SDK1: variants seen among roughly 807,000 people sequenced by gnomAD.
The protein encoded by SDK1 is sidekick cell adhesion molecule 1, also known as protein sidekick-1.
Under a neutral mutation model 245.5 loss-of-function variants are expected in SDK1, and 157 were observed. The ratio of observed to expected loss-of-function variants is 0.64; its 90% CI spans 0.56 to 0.73. The LOEUF is 0.73. Ranked by LOEUF, SDK1 falls within the 30% of genes least tolerant of loss-of-function variation. The pLI is 0.00. For synonymous variants in SDK1, 1,647 were observed against 1,278.5 expected (o/e 1.29, Z -6.15); for missense variants, 3,583 against 3,002.3 (o/e 1.19, Z -4.52).
At chr7:3,327,399 T>G (rs558981375) in intron 1 of SDK1, among the ~76,000 whole-genome samples, 8 of 152,270 alleles carry the variant, frequency 5.3e-5, no homozygotes, top group African/African-American at 1.9e-4. Context: ...TAGCTTTTAT[T>G]GATTTTATTT....
At chr7:3,656,296 T>C (rs1241238972) in intron 4 of SDK1, among the ~76,000 whole-genome samples, 3 of 152,194 alleles carry the variant, frequency 2.0e-5, no homozygotes, top group Non-Finnish European at 4.4e-5. Context: ...TTTTGCTGCC[T>C]GTGTATCTGC....
At chr7:3,452,300 C>T (rs767056100) in intron 1 of SDK1, among the ~76,000 whole-genome samples, 5 of 152,032 alleles carry the variant, frequency 3.3e-5, no homozygotes, top group Non-Finnish European at 7.4e-5. Flanking sequence ...TTATGTGTTG[C>T]CTTTGCTAAG....
chr7:3,991,531 C>T (rs1784322685), intron 14 of SDK1, among the ~76,000 whole-genome samples: 3 of 152,292 alleles, frequency 2.0e-5, no homozygotes, highest in Middle Eastern at 3.4e-3. Flanking sequence ...GCTGTGACAC[C>T]AGCACAGTGC....
At chr7:3,742,977 A>C (rs2051915) in intron 4 of SDK1, among the ~76,000 whole-genome samples, 4,641 of 152,330 alleles carry the variant, frequency 0.03, 232 homozygotes, top group African/African-American at 0.11. Context: ...ACCCTCATTA[A>C]CATGAGGAAG....
intron 1 of SDK1, among the ~76,000 whole-genome samples, chr7:3,371,864 A>T (rs369760116): frequency 6.6e-6 from 1 of 152,198 alleles, no homozygotes; most frequent in East Asian, 1.9e-4. Flanking sequence ...CAGTCGGCCA[A>T]AATTAACGAA....
chr7:3,318,055 T>A (rs945682044), intron 1 of SDK1, among the ~76,000 whole-genome samples: 2 of 152,206 alleles, frequency 1.3e-5, no homozygotes, highest in South Asian at 2.1e-4. Context: ...TTCGCTGATA[T>A]TTTATGCATA....
chr7:3,513,320 G>A (rs1782640492), intron 1 of SDK1, among the ~76,000 whole-genome samples: 1 of 152,182 alleles, frequency 6.6e-6, no homozygotes, highest in Admixed American at 6.5e-5. Flanking sequence ...GTCGAATAAA[G>A]AGATATGCTA....
At chr7:4,141,842 C>T (rs892665131) in intron 28 of SDK1, among the ~76,000 whole-genome samples, 8 of 152,246 alleles carry the variant, frequency 5.3e-5, no homozygotes, top group South Asian at 2.1e-4. Context: ...CTGCAACCTC[C>T]GCCTCCCGGG....
intron 22 of SDK1, among the ~76,000 whole-genome samples, chr7:4,086,813 C>T (rs1232125743): frequency 1.3e-5 from 2 of 152,132 alleles, no homozygotes; most frequent in Non-Finnish European, 2.9e-5. Context: ...ATGGGCATCT[C>T]CAGGGGGCCT....
At chr7:3,896,064 G>A (rs1399023965) in intron 5 of SDK1, among the ~76,000 whole-genome samples, 1 of 152,154 alleles carries the variant, frequency 6.6e-6, no homozygotes, top group African/African-American at 2.4e-5. Flanking sequence ...GTTGGGTGGA[G>A]TGTTCTGTAA....
chr7:3,852,140 G>A (rs914819660), intron 5 of SDK1, among the ~76,000 whole-genome samples: 19 of 151,514 alleles, frequency 1.3e-4, no homozygotes. Context: ...TCAGCACCTC[G>A]CGGATAATGA....
intron 14 of SDK1, among the ~76,000 whole-genome samples, chr7:3,995,664 G>T (rs943223816): frequency 1.5e-4 from 23 of 152,184 alleles, no homozygotes; most frequent in African/African-American, 5.1e-4. Context: ...GAGGTTGAGG[G>T]TTCTGAGTTT....
At chr7:4,170,898 C>G (rs1584357869) in intron 32 of SDK1, among the ~76,000 whole-genome samples, 1 of 152,184 alleles carries the variant, frequency 6.6e-6, no homozygotes, top group African/African-American at 2.4e-5. Flanking sequence ...GCGTCCCAAA[C>G]ACTGCTTTGT....
intron 44 of SDK1, among the ~76,000 whole-genome samples, chr7:4,264,209 G>A: frequency 1.0e-5 from 1 of 99,988 alleles, no homozygotes; most frequent in Admixed American, 8.9e-5. Context: ...TCCTGAGTGG[G>A]GGAGGCCGCG....
intron 5 of SDK1, among the ~76,000 whole-genome samples, chr7:3,947,530 TTGTGTGTGTGTGTGTGTG>T (rs745830597): frequency 1.4e-5 from 2 of 140,374 alleles, no homozygotes; most frequent in African/African-American, 5.3e-5. Context: ...AAGTATTTGC[TTGTGTGTGTGTGTGTGTG>T]TGTGTGTGTG....
chr7:4,233,232 TC>T, intron 40 of SDK1, 22 bp from the exon 41 acceptor site: 1 of 1,605,412 alleles, frequency 6.2e-7, no homozygotes, highest in African/African-American at 1.3e-5. Context: ...ACCTCTGCTC[TC>T]GCCTCCCCAT....
In SDK1 at chr7:3,792,891, G is replaced by A. The variant is rs150340849; in HGVS notation, c.714-28559G>A. Among the ~76,000 whole-genome samples, 520 of 152,258 alleles carry A rather than the reference G, an allele frequency of 3.4e-3. 10 individuals carry two copies. The highest frequency in any genetic ancestry group is 0.032 in the Admixed American group (484 of 15,288). On this transcript the variant is annotated intron_variant, in intron 4 of 44. Coordinates refer to ENST00000404826, the MANE Select transcript of SDK1 (RefSeq NM_152744.4). ...GTCCCCATCACCTTCCTCTAGCACT[G>A]GCGTTTTAACATAGAAAGCTTAATG...
intron 4 of SDK1, among the ~76,000 whole-genome samples, chr7:3,646,688 C>G (rs954536599): frequency 6.6e-6 from 1 of 152,072 alleles, no homozygotes; most frequent in Non-Finnish European, 1.5e-5. Context: ...CCATACATTG[C>G]TCTAGTCTTT....
At chr7:4,154,803 G>C (rs545552091) in intron 30 of SDK1, among the ~76,000 whole-genome samples, 2 of 152,270 alleles carry the variant, frequency 1.3e-5, no homozygotes, top group South Asian at 4.1e-4. Flanking sequence ...CAAAGCAGAG[G>C]TTTGGGCTGG....
Sources: gnomAD v4.1 joint callset for allele counts (sites outside exome capture counted in the v4.1 genomes callset) on GRCh38, gnomAD v4.1.1 for gene constraint, MANE v1.5 for transcripts, NCBI Gene and HGNC (gene_info 2026-07-23, HGNC 2026-07-21) for gene names.